CCDC6: variants seen among roughly 807,000 people sequenced by gnomAD.
CCDC6 encodes coiled-coil domain containing 6, also known as coiled-coil domain-containing protein 6.
In CCDC6, 20 loss-of-function variants were observed where a neutral mutation model predicts 56.6. That is an observed-to-expected ratio of 0.35 (90% confidence interval 0.25 to 0.51). The LOEUF is 0.51. Ranked by LOEUF, CCDC6 falls within the 20% of genes least tolerant of loss-of-function variation. CCDC6 has a pLI of 0.95. For synonymous variants in CCDC6, 241 were observed against 234.4 expected (o/e 1.03, Z -0.26); for missense variants, 367 against 601.1 (o/e 0.61, Z 4.07).
At chr10:59,860,520 C>A (rs1201996292) in intron 1 of CCDC6, among the ~76,000 whole-genome samples, 1 of 152,070 alleles carries the variant, frequency 6.6e-6, no homozygotes, top group Non-Finnish European at 1.5e-5. Context: ...ACAGCTCAGG[C>A]ATTTGAGAAC....
chr10:59,832,374 G>C, intron 3 of CCDC6, 151 bp downstream of exon 3: 2 of 619,764 alleles, frequency 3.2e-6, no homozygotes, highest in Non-Finnish European at 5.4e-6. Flanking sequence ...ATGTAAACCT[G>C]TCAATGCTCA....
At chr10:59,832,471 G>A (rs201640498) in intron 3 of CCDC6, 54 bp downstream of exon 3, 5 of 1,545,110 alleles carry the variant, frequency 3.2e-6, no homozygotes, top group Non-Finnish European at 4.4e-6. Flanking sequence ...AAGCTTAAAA[G>A]AACAAGCTGA....
chr10:59,829,774 A>C (rs183956701), intron 3 of CCDC6, among the ~76,000 whole-genome samples: 87 of 152,286 alleles, frequency 5.7e-4, no homozygotes, highest in Non-Finnish European at 1.0e-3. Context: ...TGACAGATGA[A>C]TGGTACGGGG....
intron 8 of CCDC6, among the ~76,000 whole-genome samples, chr10:59,793,586 C>A (rs1415906032): frequency 1.3e-5 from 2 of 152,142 alleles, no homozygotes; most frequent in African/African-American, 2.4e-5. Flanking sequence ...GAGTTCGAGA[C>A]CAGCCTGGCC....
At chr10:59,870,485 CACT>C (rs569567159) in intron 1 of CCDC6, among the ~76,000 whole-genome samples, 2 of 152,122 alleles carry the variant, frequency 1.3e-5, no homozygotes, top group Non-Finnish European at 2.9e-5. Context: ...ATCCTGTCAC[CACT>C]GTTGGATCAT....
chr10:59,867,844 C>T (rs978951322), intron 1 of CCDC6, among the ~76,000 whole-genome samples: 8 of 152,168 alleles, frequency 5.3e-5, no homozygotes, highest in African/African-American at 1.7e-4. Flanking sequence ...GCTGGGATTA[C>T]AGGTGTGAGC....
chr10:59,864,561 A>G (rs2071160720), intron 1 of CCDC6, among the ~76,000 whole-genome samples: 5 of 152,152 alleles, frequency 3.3e-5, no homozygotes, highest in Admixed American at 2.6e-4. Flanking sequence ...CTGCCAGAGT[A>G]TTTTCTGCCA....
chr10:59,896,597 A>C (rs530627366), intron 1 of CCDC6, among the ~76,000 whole-genome samples: 72 of 152,264 alleles, frequency 4.7e-4, no homozygotes, highest in African/African-American at 1.5e-3. Flanking sequence ...TTTAAAAAAA[A>C]AAACAAACAA....
chr10:59,861,351 T>G (rs1368843982), intron 1 of CCDC6, among the ~76,000 whole-genome samples: 1 of 150,790 alleles, frequency 6.6e-6, no homozygotes, highest in African/African-American at 2.4e-5. Context: ...GGAGTAAGAC[T>G]TCATCTCAGA....
At chr10:59,860,292 T>TATAC (rs1214019445) in intron 1 of CCDC6, among the ~76,000 whole-genome samples, 1 of 152,076 alleles carries the variant, frequency 6.6e-6, no homozygotes, top group Non-Finnish European at 1.5e-5. Flanking sequence ...CTTCTGCCCA[T>TATAC]ATACACATCA....
chr10:59,866,594 T>A, intron 1 of CCDC6, among the ~76,000 whole-genome samples: 1 of 152,188 alleles, frequency 6.6e-6, no homozygotes, highest in Non-Finnish European at 1.5e-5. Context: ...ATCACATCCA[T>A]ACACTGACTC....
rs375340743 is a variant in CCDC6 at position 59,893,446 on chromosome 10, C to G, written c.303+12676G>C. Among the ~76,000 whole-genome samples, 11 of 152,032 alleles carry G rather than the reference C, an allele frequency of 7.2e-5. No individual in the cohort carries two copies. In the East Asian group the frequency reaches 2.1e-3, roughly 29 times the overall value. On this transcript the variant is annotated intron_variant, in intron 1 of 8. Transcript: ENST00000263102. ...AAACCATGTCTCTACAAAAAAAATC[C>G]AAGAAACAAATAGCTGGGCATGGTG...
At chr10:59,855,799 A>G (rs1161836099) in intron 1 of CCDC6, among the ~76,000 whole-genome samples, 2 of 152,202 alleles carry the variant, frequency 1.3e-5, no homozygotes, top group Non-Finnish European at 2.9e-5. Flanking sequence ...AAGGACTCAT[A>G]ATCAACACAC....
chr10:59,845,515 G>A (rs1399377822), intron 2 of CCDC6, among the ~76,000 whole-genome samples: 1 of 152,114 alleles, frequency 6.6e-6, no homozygotes, highest in African/African-American at 2.4e-5. Context: ...ATTGCAATGA[G>A]AGATTTTTGC....
chr10:59,795,801 T>C (rs1344909179), intron 7 of CCDC6, among the ~76,000 whole-genome samples: 5 of 152,120 alleles, frequency 3.3e-5, no homozygotes, highest in Admixed American at 6.5e-5. Context: ...ACAAAGGACA[T>C]GAACTCATCA....
intron 3 of CCDC6, among the ~76,000 whole-genome samples, chr10:59,827,802 A>G (rs2070800888): frequency 6.6e-6 from 1 of 152,214 alleles, no homozygotes; most frequent in African/African-American, 2.4e-5. Flanking sequence ...GGAAGGAAAA[A>G]GTAAGGGGTC....
intron 2 of CCDC6, among the ~76,000 whole-genome samples, chr10:59,836,416 A>G (rs10994042): frequency 0.016 from 2,402 of 152,338 alleles, 56 homozygotes; most frequent in East Asian, 0.066. Flanking sequence ...TCTGATGCCC[A>G]TCTTCAATAT....
At chr10:59,874,109 T>C (rs2071256581) in intron 1 of CCDC6, among the ~76,000 whole-genome samples, 1 of 107,432 alleles carries the variant, frequency 9.3e-6, no homozygotes, top group Admixed American at 1.1e-4. Context: ...CTTACACATT[T>C]ACCTAGCAAA....
chr10:59,839,117 T>G (rs1388583989), intron 2 of CCDC6, among the ~76,000 whole-genome samples: 1 of 152,250 alleles, frequency 6.6e-6, no homozygotes, highest in Non-Finnish European at 1.5e-5. Context: ...CAGTAGAAAC[T>G]GTTATCTGCA....
Sources: allele counts gnomAD v4.1 joint callset (sites outside exome capture counted in the v4.1 genomes callset), GRCh38; gene constraint gnomAD v4.1.1; transcripts MANE v1.5; gene names NCBI Gene and HGNC (gene_info 2026-07-23, HGNC 2026-07-21).